The following NDUFS4 variants were observed in gnomAD, a reference collection of about 807,000 sequenced individuals.
The protein encoded by NDUFS4 is NADH dehydrogenase [ubiquinone] iron-sulfur protein 4, mitochondrial.
In NDUFS4, 28 loss-of-function variants were observed where a neutral mutation model predicts 24.3. The ratio of observed to expected loss-of-function variants is 1.15; its 90% CI spans 0.85 to 1.58. NDUFS4 has a LOEUF of 1.58. NDUFS4 is among the 40% of genes most tolerant of loss of function. The probability of loss-of-function intolerance (pLI) is 0.00; values close to 1 mark genes in which losing one functional copy is unlikely to be tolerated. For missense variants in NDUFS4, 223 were observed against 207.9 expected (o/e 1.07, Z -0.45); for synonymous variants, 93 against 69.7 (o/e 1.34, Z -1.67).
At chr5:53,647,953 G>A (rs1048579004) in intron 3 of NDUFS4, among the ~76,000 whole-genome samples, 3 of 152,088 alleles carry the variant, frequency 2.0e-5, no homozygotes, top group African/African-American at 7.2e-5. Context: ...TTATTAAAAT[G>A]AGAAAAAAGT....
At chr5:53,632,499 A>G (rs1449983618) in intron 2 of NDUFS4, among the ~76,000 whole-genome samples, 2 of 151,962 alleles carry the variant, frequency 1.3e-5, no homozygotes, top group Admixed American at 6.6e-5. Flanking sequence ...GATTTCTGAA[A>G]CTCCTTTTTT....
intron 2 of NDUFS4, among the ~76,000 whole-genome samples, chr5:53,616,708 T>C (rs1248020498): frequency 6.6e-6 from 1 of 152,034 alleles, no homozygotes; most frequent in Non-Finnish European, 1.5e-5. Flanking sequence ...AGTAAGAAAT[T>C]TGAATATTAT....
intron 4 of NDUFS4, among the ~76,000 whole-genome samples, chr5:53,666,010 G>T (rs549165355): frequency 6.6e-6 from 1 of 152,260 alleles, no homozygotes; most frequent in South Asian, 2.1e-4. Flanking sequence ...TTTAAAAAGA[G>T]GTTCTTAAGT....
chr5:53,598,354 A>G (rs1164146969), intron 1 of NDUFS4, among the ~76,000 whole-genome samples: 3 of 152,238 alleles, frequency 2.0e-5, no homozygotes, highest in African/African-American at 7.2e-5. Flanking sequence ...AGAAAGAAAG[A>G]AAATGTGTAT....
intron 2 of NDUFS4, among the ~76,000 whole-genome samples, chr5:53,624,783 C>T (rs1227020465): frequency 1.3e-5 from 2 of 152,148 alleles, no homozygotes; most frequent in African/African-American, 4.8e-5. Context: ...GATAATTATA[C>T]ATCTTTACAA....
intron 4 of NDUFS4, among the ~76,000 whole-genome samples, chr5:53,660,340 T>C (rs1423805479): frequency 1.3e-5 from 2 of 152,108 alleles, no homozygotes; most frequent in Non-Finnish European, 2.9e-5. Context: ...CATCCTTTTT[T>C]ATGGCTGCAT....
At chr5:53,566,574 C>G (rs561880952) in intron 1 of NDUFS4, among the ~76,000 whole-genome samples, 1 of 152,202 alleles carries the variant, frequency 6.6e-6, no homozygotes, top group Admixed American at 6.5e-5. Flanking sequence ...ATGTAATTGT[C>G]TCTTGGTATC....
chr5:53,567,417 A>C, intron 1 of NDUFS4, among the ~76,000 whole-genome samples: 1 of 152,204 alleles, frequency 6.6e-6, no homozygotes, highest in Non-Finnish European at 1.5e-5. Context: ...GAGAGTTACC[A>C]AATGCACAAT....
Position 53,683,279 on chromosome 5 carries a change from T to TA in NDUFS4, c.*59dup. Reference sequence around the variant, plus strand: ...AATAAAGTCAGCTGTGCAGTATTTATAGTCCATGTATAATAAATACATCTC... The same window carrying TA: ...AATAAAGTCAGCTGTGCAGTATTTATAAGTCCATGTATAATAAATACATCTC... On this transcript the variant is annotated 3_prime_UTR_variant, in exon 5 of 5. Coordinates refer to ENST00000296684, the MANE Select transcript of NDUFS4 (RefSeq NM_002495.4). 8.4e-7 allele frequency: 1 copy of TA among 1,192,104 alleles called. No individual in the cohort carries two copies. Among genetic ancestry groups the TA allele is most frequent in the South Asian group, 1.2e-5 (1 of 82,470 alleles). The allele number at this position is 1,192,104 out of a possible 1,614,324, so 73.8% of individuals were successfully genotyped here. A position where few individuals can be genotyped will look rare whatever the true frequency, so the allele number is the denominator to read the frequency against.
chr5:53,579,608 T>A (rs1390086085), intron 1 of NDUFS4, among the ~76,000 whole-genome samples: 1 of 152,166 alleles, frequency 6.6e-6, no homozygotes, highest in Non-Finnish European at 1.5e-5. Flanking sequence ...CCCAGCTACT[T>A]GGAAGGCTGA....
At chr5:53,624,350 A>G (rs1287882338) in intron 2 of NDUFS4, among the ~76,000 whole-genome samples, 1 of 152,122 alleles carries the variant, frequency 6.6e-6, no homozygotes, top group East Asian at 1.9e-4. Context: ...GAATTTTAGG[A>G]TGGATTTTTC....
Position 53,599,343 on chromosome 5 carries a change from TA to T in NDUFS4, c.99-4108del, listed in dbSNP as rs547172270. Among the ~76,000 whole-genome samples, 41 of 152,300 alleles carry T rather than the reference TA, an allele frequency of 2.7e-4. 1 individual carries two copies. In the South Asian group the frequency reaches 8.1e-3, roughly 30 times the overall value. ...CTGTTTACTTTTTGAGAAACTGCCA[TA>T]CCATTTTCCATAGTGGTAGTACCAT... On this transcript the variant is annotated intron_variant, in intron 1 of 4. Transcript: ENST00000296684.
intron 1 of NDUFS4, among the ~76,000 whole-genome samples, chr5:53,586,639 C>T (rs1382785805): frequency 6.6e-6 from 1 of 152,160 alleles, no homozygotes; most frequent in Admixed American, 6.5e-5. Context: ...TCTCCTGTCT[C>T]AGCCTCTTGA....
At chr5:53,676,845 AT>A (rs147725734) in intron 4 of NDUFS4, among the ~76,000 whole-genome samples, 3 of 151,284 alleles carry the variant, frequency 2.0e-5, no homozygotes, top group Non-Finnish European at 2.9e-5. Context: ...TTCATGAAAG[AT>A]TTTTTTTTTC....
At chr5:53,608,193 T>G (rs1462247491) in intron 2 of NDUFS4, among the ~76,000 whole-genome samples, 1 of 152,224 alleles carries the variant, frequency 6.6e-6, no homozygotes, top group Non-Finnish European at 1.5e-5. Context: ...ATTAGCATTA[T>G]GTCTAAAAAA....
intron 4 of NDUFS4, among the ~76,000 whole-genome samples, chr5:53,678,181 C>A (rs183456025): frequency 6.1e-4 from 92 of 152,014 alleles, no homozygotes; most frequent in Non-Finnish European, 3.2e-4. Flanking sequence ...TGGAGATCTA[C>A]AAAATAAACT....
intron 4 of NDUFS4, among the ~76,000 whole-genome samples, chr5:53,675,831 CCAGAGT>C (rs1363923787): frequency 1.3e-5 from 2 of 152,100 alleles, no homozygotes; most frequent in African/African-American, 4.8e-5. Flanking sequence ...GAGCAAAAGA[CCAGAGT>C]CAGAGTCAGC....
At chr5:53,648,533 T>C (rs1357058795) in intron 3 of NDUFS4, among the ~76,000 whole-genome samples, 4 of 152,212 alleles carry the variant, frequency 2.6e-5, no homozygotes, top group African/African-American at 9.6e-5. Flanking sequence ...CAGGTCAGAT[T>C]TCCCAATGCA....
At position 53,646,406 on chromosome 5, in the gene NDUFS4, G is replaced by C; in HGVS notation, c.350+1G>C. On this transcript the variant is annotated splice_donor_variant, in intron 3 of 4. Transcript: ENST00000296684. LOFTEE classifies it high-confidence loss of function. The stretch of plus-strand genomic sequence containing the variant: ...ATCCTTTGATGGGTTGGGCATCAAC[G>C]TGAGTACTTTATTTTAATGTGAATA... 1 of 1,613,078 alleles carries C rather than the reference G, an allele frequency of 6.2e-7. No homozygotes were observed. The highest frequency in any genetic ancestry group is 8.5e-7 in the Non-Finnish European group (1 of 1,179,208).
Sources: allele counts gnomAD v4.1 joint callset (sites outside exome capture counted in the v4.1 genomes callset), GRCh38; gene constraint gnomAD v4.1.1; transcripts MANE v1.5; gene names NCBI Gene and HGNC (gene_info 2026-07-23, HGNC 2026-07-21).